Variants in PIK3CG observed in about 807,000 individuals in gnomAD.
PIK3CG encodes phosphatidylinositol 4,5-bisphosphate 3-kinase catalytic subunit gamma isoform.
A neutral mutation model predicts 102.3 loss-of-function variants in PIK3CG; 55 were observed. That is an observed-to-expected ratio of 0.54 (90% CI 0.43 to 0.67). PIK3CG has a LOEUF of 0.67. Ranked by LOEUF, PIK3CG falls within the 30% of genes least tolerant of loss-of-function variation. The pLI, the probability that PIK3CG is intolerant of heterozygous loss-of-function variation, is 0.00. For synonymous variants in PIK3CG, 552 were observed against 540.0 expected, an observed-to-expected ratio of 1.02 and a Z score of -0.31; for missense variants, 1,258 against 1,391.8, an observed-to-expected ratio of 0.90 and a Z score of 1.53.
intron 10 of PIK3CG, among the ~76,000 whole-genome samples, chr7:106,887,417 G>T (rs1287834526): frequency 3.9e-5 from 6 of 152,134 alleles, no homozygotes; most frequent in African/African-American, 1.4e-4. Context: ...CTCTTCTTGA[G>T]TCCAAGGTTA....
intron 5 of PIK3CG, among the ~76,000 whole-genome samples, chr7:106,875,116 C>A (rs916672292): frequency 6.6e-6 from 1 of 151,944 alleles, no homozygotes; most frequent in Admixed American, 6.6e-5. Flanking sequence ...TTTGGGAGGC[C>A]GAGGCAGGCA....
Position 106,884,102 on chromosome 7 carries a change from A to C in PIK3CG, c.2761-53A>C. 7.7e-7 allele frequency: 1 copy of C among 1,302,886 alleles called. No homozygotes were observed. The highest frequency in any genetic ancestry group is 1.1e-6 in the Non-Finnish European group (1 of 903,178). 80.7% of individuals were successfully genotyped at this position (1,302,886 alleles called of 1,614,324 possible). On this transcript the variant is annotated intron_variant, in intron 8 of 10. Coordinates refer to ENST00000496166, the MANE Select transcript of PIK3CG (RefSeq NM_001282426.2). The surrounding 1 kb of genome is among the most constrained non-coding windows in gnomAD (Gnocchi z 4.2). ...CTTTTTAGAAGTCATTTGTAGATTC[A>C]TGATGCTTTTTGTAGTTAGAAGACA...
In PIK3CG at chr7:106,867,956, C is replaced by G. The variant is rs760958737; in HGVS notation, c.395C>G (p.Pro132Arg). 1 of 1,612,782 alleles carries G rather than the reference C, an allele frequency of 6.2e-7. No homozygotes were observed. The highest frequency in any genetic ancestry group is 8.5e-7 in the Non-Finnish European group (1 of 1,179,644). Residue 132 changes from proline (P) to arginine (R), a missense_variant, in exon 2 of 11, where the codon CCG becomes CGG. Around this residue, in one of 2 missense-constraint regions of PIK3CG, gnomAD observed 832 missense variants for 787.5 expected, o/e 1.06. Coordinates refer to ENST00000496166, the MANE Select transcript of PIK3CG (RefSeq NM_001282426.2). The surrounding 1 kb of genome is among the most constrained non-coding windows in gnomAD (Gnocchi z 5.1). ...TACTGGAAGGCCACGCACCGGAGCC[C>G]GGGCCAGATCCACCTGGTGCAGCGG... ...LRYWKATHRS[P>R]GQIHLVQRHP...
rs938374365 is a variant in PIK3CG, at chr7:106,877,805, G to A, written c.2392-1714G>A. Reference sequence around the variant, plus strand: ...TTAAATAACAAAGCACTTCATATACGTGTGCTTATACAGGCAACAGTATAC... The same window carrying A: ...TTAAATAACAAAGCACTTCATATACATGTGCTTATACAGGCAACAGTATAC... On this transcript the variant is annotated intron_variant, in intron 5 of 10. Transcript: ENST00000496166. This position sits in a 1 kb window ranked among gnomAD's most constrained non-coding sequence, Gnocchi z 4.5. Among the ~76,000 whole-genome samples, 6 of 152,200 alleles carry A rather than the reference G, an allele frequency of 3.9e-5. No individual in the cohort carries two copies. Among genetic ancestry groups the A allele is most frequent in the East Asian group, 1.9e-4 (1 of 5,192 alleles).
chr7:106,895,928 C>T lies in PIK3CG; in HGVS notation c.3031-9181C>T, dbSNP rs1791397609. On this transcript the variant is annotated intron_variant, in intron 10 of 10. Coordinates refer to ENST00000496166, the MANE Select transcript of PIK3CG (RefSeq NM_001282426.2). The surrounding 1 kb of genome is among the most constrained non-coding windows in gnomAD (Gnocchi z 5.4). ...ATCTGTGTTGTTAACCACCACAGCA[C>T]ACTGCCTTTCAGCAAAGGCTGATTA... Among the ~76,000 whole-genome samples the T allele has an allele frequency of 6.6e-6, 1 of 152,196 alleles. No individual in the cohort carries two copies. Among genetic ancestry groups the T allele is most frequent in the South Asian group, 2.1e-4 (1 of 4,826 alleles).
At position 106,874,850 on chromosome 7, in the gene PIK3CG, T is replaced by A. The variant is rs1209881038; in HGVS notation, c.2391+47T>A. ...CCATGTGGTCTTTATGTCTTGAAGA[T>A]GTCTAACGTGCTTGCTGGGGCCCAG... On this transcript the variant is annotated intron_variant, in intron 5 of 10. Transcript: ENST00000496166. The surrounding 1 kb of genome is among the most constrained non-coding windows in gnomAD (Gnocchi z 4.3). The A allele has an allele frequency of 8.1e-7, 1 of 1,240,986 alleles. No individual in the cohort carries two copies. Among genetic ancestry groups the A allele is most frequent in the Admixed American group, 1.8e-5 (1 of 54,910 alleles). The allele number at this position is 1,240,986 out of a possible 1,614,324, so 76.9% of individuals were successfully genotyped here.
chr7:106,870,599 A>G (rs539089172), intron 2 of PIK3CG, among the ~76,000 whole-genome samples: 2 of 152,362 alleles, frequency 1.3e-5, no homozygotes, highest in South Asian at 2.1e-4. Context: ...CCAGGGGTCC[A>G]AGGGACACTT....
At position 106,890,862 on chromosome 7, in the gene PIK3CG, TC is replaced by T. The variant is rs904078751; in HGVS notation, c.3030+4575del. Among the ~76,000 whole-genome samples, 6 of 152,170 alleles carry T rather than the reference TC, an allele frequency of 3.9e-5. No individual in the cohort carries two copies. The highest frequency in any genetic ancestry group is 1.4e-4 in the African/African-American group (6 of 41,434). The stretch of plus-strand genomic sequence containing the variant: ...ATCACTGTGGCCTTCCTCCACATCT[TC>T]CCCCATCCCAGCTACCCACTGCTTT... On this transcript the variant is annotated intron_variant, in intron 10 of 10. Transcript: ENST00000496166. The surrounding 1 kb of genome is among the most constrained non-coding windows in gnomAD (Gnocchi z 4.2).
chr7:106,907,007 G>C lies in PIK3CG; in HGVS notation c.*1620G>C, dbSNP rs1044850295. 2 of 212,992 alleles carry C rather than the reference G, an allele frequency of 9.4e-6. No homozygotes were observed. The highest frequency in any genetic ancestry group is 1.9e-5 in the Non-Finnish European group (2 of 105,468). The allele number at this position is 212,992 out of a possible 1,614,324, so 13.2% of individuals were successfully genotyped here. On this transcript the variant is annotated 3_prime_UTR_variant, in exon 11 of 11. Transcript: ENST00000496166. ...ATAGTGGTATGTGCCTGTAGTCCCAGGTACTCAGGAGGCTGAGGCAGGAGG... is the reference window on the plus strand; with the variant it reads ...ATAGTGGTATGTGCCTGTAGTCCCACGTACTCAGGAGGCTGAGGCAGGAGG...
At chr7:106,901,116 A>C (rs1422022194) in intron 10 of PIK3CG, among the ~76,000 whole-genome samples, 1 of 152,166 alleles carries the variant, frequency 6.6e-6, no homozygotes, top group Non-Finnish European at 1.5e-5. Context: ...CAAGCTTGGG[A>C]AAGTTTTCAT....
At position 106,867,458 on chromosome 7, in the gene PIK3CG, G is replaced by A. The variant is rs949569373; in HGVS notation, c.-12-92G>A. ...CCTCTGGGTCCCTGTGCACATGTAC[G>A]CCGCCTATACCTCCTCTTCCCTCAT... is the stretch of plus-strand genomic sequence containing the variant. On this transcript the variant is annotated intron_variant, in intron 1 of 10. Coordinates refer to ENST00000496166, the MANE Select transcript of PIK3CG (RefSeq NM_001282426.2). This position sits in a 1 kb window ranked among gnomAD's most constrained non-coding sequence, Gnocchi z 5.1. The A allele has an allele frequency of 2.6e-6, 3 of 1,172,914 alleles. No homozygotes were observed. The highest frequency in any genetic ancestry group is 3.6e-6 in the Non-Finnish European group (3 of 826,270). The allele number at this position is 1,172,914 out of a possible 1,614,324, so 72.7% of individuals were successfully genotyped here. A position where few individuals can be genotyped will look rare whatever the true frequency, so the allele number is the denominator to read the frequency against.
At chr7:106,885,142 T>C (rs1278260010) in intron 9 of PIK3CG, among the ~76,000 whole-genome samples, 1 of 152,072 alleles carries the variant, frequency 6.6e-6, no homozygotes, top group Non-Finnish European at 1.5e-5. Flanking sequence ...GACCTGTCCA[T>C]GGCCCAGGGG....
rs1399987535 is a variant in PIK3CG at position 106,867,913 on chromosome 7, A to T, written c.352A>T (p.Thr118Ser). The T allele has an allele frequency of 5.6e-6, 9 of 1,613,004 alleles. No homozygotes were observed. The highest frequency in any genetic ancestry group is 1.1e-5 in the South Asian group (1 of 91,082). Residue 118 changes from threonine to serine, a missense_variant, in exon 2 of 11, where the codon ACT becomes TCT. Thr to Ser is a moderately conservative substitution (Grantham distance 58). This residue lies in a region of PIK3CG where 832 missense variants were observed against 787.5 expected (regional missense o/e 1.06). Coordinates refer to ENST00000496166, the MANE Select transcript of PIK3CG (RefSeq NM_001282426.2). The surrounding 1 kb of genome is among the most constrained non-coding windows in gnomAD (Gnocchi z 5.1). ...CTACGACAAGTACCAGGTGGTGCAGACTCTGGACTGCCTGCGCTACTGGAA... is the reference window on the plus strand; with the variant it reads ...CTACGACAAGTACCAGGTGGTGCAGTCTCTGGACTGCCTGCGCTACTGGAA... ...EIYDKYQVVQ[T>S]LDCLRYWKAT...
At position 106,868,650 on chromosome 7, in the gene PIK3CG, C is replaced by T. The variant is rs761405644; in HGVS notation, c.1089C>T (p.Val363=). ...GGGACTGCGACCGCAAGTTCAGGGT[C>T]AAGATCAGAGGCATTGATATCCCCG... The part of the protein sequence containing the change: ...SLWDCDRKFR[V]KIRGIDIPVL... The change falls in exon 2 of 11, where the codon GTC becomes GTT. Residue 363 remains valine (V), a synonymous_variant. Coordinates refer to ENST00000496166, the MANE Select transcript of PIK3CG (RefSeq NM_001282426.2). The surrounding 1 kb of genome is among the most constrained non-coding windows in gnomAD (Gnocchi z 6.2). The T allele has an allele frequency of 1.9e-6, 3 of 1,614,212 alleles. No individual in the cohort carries two copies. The highest frequency in any genetic ancestry group is 2.5e-6 in the Non-Finnish European group (3 of 1,180,042).
chr7:106,881,124 A>T (rs1790918961), intron 6 of PIK3CG, among the ~76,000 whole-genome samples: 2 of 152,158 alleles, frequency 1.3e-5, no homozygotes, highest in Non-Finnish European at 2.9e-5. Context: ...TTCTATAGGA[A>T]TGATCAAGAT....
rs1790452037 is a variant in PIK3CG, at chr7:106,869,329, C to A, written c.1768C>A (p.Pro590Thr). ...AAGCCTTAAGCACCCAAAAGCATAT[C>A]CTAAGCTATTTAGTTCAGTGAAATG... ...YESLKHPKAY[P>T]KLFSSVKWGQ... Residue 590 changes from proline to threonine, a missense_variant, in exon 2 of 11, where the codon CCT (proline) becomes ACT (threonine). Transcript: ENST00000496166. The surrounding 1 kb of genome is among the most constrained non-coding windows in gnomAD (Gnocchi z 5.3). 1 of 1,614,222 alleles carries A rather than the reference C, an allele frequency of 6.2e-7. No individual in the cohort carries two copies. Among genetic ancestry groups the A allele is most frequent in the Middle Eastern group, 1.6e-4 (1 of 6,062 alleles).
At chr7:106,873,152 A>T (rs1790599125) in intron 4 of PIK3CG, among the ~76,000 whole-genome samples, 1 of 152,214 alleles carries the variant, frequency 6.6e-6, no homozygotes, top group Admixed American at 6.5e-5. Context: ...ACATATTCTT[A>T]ACTGAAAAAT....
rs1317248032 is a variant in PIK3CG, at chr7:106,869,648, C to T, written c.1995+92C>T. On this transcript the variant is annotated intron_variant, in intron 2 of 10. Coordinates refer to ENST00000496166, the MANE Select transcript of PIK3CG (RefSeq NM_001282426.2). The surrounding 1 kb of genome is among the most constrained non-coding windows in gnomAD (Gnocchi z 5.3). ...CTCCATTCAGTTGTCATCAAATGCCCTTTGTTCAGAGCTTCATCATCGGCA... is the reference window on the plus strand; with the variant it reads ...CTCCATTCAGTTGTCATCAAATGCCTTTTGTTCAGAGCTTCATCATCGGCA... The T allele has an allele frequency of 1.9e-6, 2 of 1,073,318 alleles. No homozygotes were observed. The highest frequency in any genetic ancestry group is 2.7e-6 in the Non-Finnish European group (2 of 753,300). The allele number at this position is 1,073,318 out of a possible 1,614,324, so 66.5% of individuals were successfully genotyped here. A position where few individuals can be genotyped will look rare whatever the true frequency, so the allele number is the denominator to read the frequency against.
rs1382315692 is a variant in PIK3CG, at chr7:106,895,914, T to C, written c.3031-9195T>C. On this transcript the variant is annotated intron_variant, in intron 10 of 10. Coordinates refer to ENST00000496166, the MANE Select transcript of PIK3CG (RefSeq NM_001282426.2). The surrounding 1 kb of genome is among the most constrained non-coding windows in gnomAD (Gnocchi z 5.4). ...TCAGCTTGATGTGAATCTGTGTTGT[T>C]AACCACCACAGCACACTGCCTTTCA... Among the ~76,000 whole-genome samples the C allele has an allele frequency of 6.6e-6, 1 of 152,204 alleles. No individual in the cohort carries two copies. Among genetic ancestry groups the C allele is most frequent in the African/African-American group, 2.4e-5 (1 of 41,452 alleles).
Sources: gnomAD v4.1 joint callset for allele counts (sites outside exome capture counted in the v4.1 genomes callset) on GRCh38, gnomAD v4.1.1 for gene constraint, gnomAD v4.1.1 regional missense constraint, Gnocchi (gnomAD v3.1) non-coding constraint, MANE v1.5 for transcripts, NCBI Gene and HGNC (gene_info 2026-07-23, HGNC 2026-07-21) for gene names.